The following LRRC53 variants were observed in gnomAD, a reference collection of about 807,000 sequenced individuals.
LRRC53 encodes leucine-rich repeat-containing protein 53.
Under a neutral mutation model 13.6 loss-of-function variants are expected in LRRC53, and 25 were observed. That is an observed-to-expected ratio of 1.83 (90% CI 1.34 to 2.56). LRRC53 has a LOEUF of 2.56. LRRC53 is among the 30% of genes most tolerant of loss of function. The pLI, the probability that LRRC53 is intolerant of heterozygous loss-of-function variation, is 0.00. For missense variants in LRRC53, 527 were observed against 275.8 expected (o/e 1.91, Z -6.45); for synonymous variants, 204 against 109.8 (o/e 1.86, Z -5.37).
intron 1 of LRRC53, among the ~76,000 whole-genome samples, chr1:74,485,975 C>G (rs1182112790): frequency 6.6e-6 from 1 of 152,104 alleles, no homozygotes; most frequent in African/African-American, 2.4e-5. Context: ...AAACTCTGAG[C>G]AAAGGACCCG....
At chr1:74,477,178 A>T (rs1373976030) in intron 3 of LRRC53, among the ~76,000 whole-genome samples, 1 of 152,176 alleles carries the variant, frequency 6.6e-6, no homozygotes, top group African/African-American at 2.4e-5. Context: ...TATATTAAAA[A>T]ATTAAAAATT....
chr1:74,522,486 G>A, the LRRC53 span, among the ~76,000 whole-genome samples: 25 of 152,072 alleles, frequency 1.6e-4, no homozygotes, highest in African/African-American at 5.3e-4. Context: ...CTTGTAGTAC[G>A]AGTTGCATGA....
the LRRC53 span, among the ~76,000 whole-genome samples, chr1:74,521,379 TA>T: frequency 1.3e-4 from 20 of 152,156 alleles, no homozygotes; most frequent in African/African-American, 4.3e-4. Context: ...GTAAGTCACT[TA>T]AAACAATACC....
At chr1:74,521,243 C>T in the LRRC53 span, among the ~76,000 whole-genome samples, 2 of 152,162 alleles carry the variant, frequency 1.3e-5, no homozygotes, top group Non-Finnish European at 2.9e-5. Flanking sequence ...CTGCCATTTT[C>T]TCTGTGCGAT....
rs1288708860 is a variant in LRRC53, at chr1:74,475,734, T to C, written c.981A>G (p.Thr327=). ...KLHQGKANEH[T]SENLCCRTFD... ...AGGTTCTGCAACAAAGGTTTTCTGA[T>C]GTGTGTTCATTTGCTTTGCCTTGGT... The change falls in exon 4 of 5, where the codon ACA becomes ACG. Residue 327 remains threonine, a synonymous_variant. Coordinates refer to ENST00000294635, the MANE Select transcript of LRRC53 (RefSeq NM_001382280.1). 4 of 680,950 alleles carry C rather than the reference T, an allele frequency of 5.9e-6. No homozygotes were observed. The highest frequency in any genetic ancestry group is 1.1e-5 in the Non-Finnish European group (4 of 368,032). The allele number at this position is 680,950 out of a possible 1,614,324, so 42.2% of individuals were successfully genotyped here.
chr1:74,522,184 G>C, the LRRC53 span, among the ~76,000 whole-genome samples: 5 of 152,188 alleles, frequency 3.3e-5, no homozygotes, highest in Non-Finnish European at 5.9e-5. Flanking sequence ...TCAGACCCTT[G>C]ATGAATCAGG....
chr1:74,479,068 G>A (rs1315086248), intron 3 of LRRC53, among the ~76,000 whole-genome samples: 1 of 152,132 alleles, frequency 6.6e-6, no homozygotes, highest in Non-Finnish European at 1.5e-5. Flanking sequence ...TAATTCACTA[G>A]ATAACTGTTA....
At chr1:74,473,293 TC>T (rs2100742378) in intron 4 of LRRC53, among the ~76,000 whole-genome samples, 1 of 152,202 alleles carries the variant, frequency 6.6e-6, no homozygotes, top group African/African-American at 2.4e-5. Context: ...TAGTCACACA[TC>T]AGCTAAGTGT....
upstream of LRRC53, among the ~76,000 whole-genome samples, chr1:74,517,528 A>C (rs1210838403): frequency 1.3e-5 from 2 of 152,212 alleles, no homozygotes; most frequent in Non-Finnish European, 2.9e-5. Context: ...GAGCAGGAGT[A>C]GCCTTTAATA....
At chr1:74,511,660 A>G (rs1252767742) in intron 1 of LRRC53, among the ~76,000 whole-genome samples, 2 of 152,066 alleles carry the variant, frequency 1.3e-5, no homozygotes, top group African/African-American at 4.8e-5. Flanking sequence ...TCCTGGGGGA[A>G]TTCACAGTTT....
chr1:74,496,112 G>A (rs887990952), intron 1 of LRRC53, among the ~76,000 whole-genome samples: 3 of 152,150 alleles, frequency 2.0e-5, no homozygotes, highest in African/African-American at 7.2e-5. Flanking sequence ...TGGCACCCAG[G>A]CATCAGAATG....
chr1:74,494,531 A>C (rs2100315159), intron 1 of LRRC53, among the ~76,000 whole-genome samples: 1 of 152,332 alleles, frequency 6.6e-6, no homozygotes, highest in African/African-American at 2.4e-5. Flanking sequence ...AGATTTGGTC[A>C]CATCATCATC....
intron 1 of LRRC53, among the ~76,000 whole-genome samples, chr1:74,507,231 C>CCG (rs1423637779): frequency 7.1e-6 from 1 of 141,050 alleles, no homozygotes; most frequent in Non-Finnish European, 1.5e-5. Context: ...TCACCCCCCC[C>CCG]CCATCTTTTT....
intron 1 of LRRC53, among the ~76,000 whole-genome samples, chr1:74,494,756 T>C (rs1459322731): frequency 6.6e-6 from 1 of 152,214 alleles, no homozygotes; most frequent in Non-Finnish European, 1.5e-5. Flanking sequence ...TATTTAAATC[T>C]CACATGTAAA....
chr1:74,504,273 CTAAAG>C (rs1669778513), intron 1 of LRRC53, among the ~76,000 whole-genome samples: 1 of 152,164 alleles, frequency 6.6e-6, no homozygotes, highest in Non-Finnish European at 1.5e-5. Context: ...CTGATGTGGA[CTAAAG>C]TAACCATGTT....
chr1:74,482,086 TC>T (rs1668533200), intron 2 of LRRC53, among the ~76,000 whole-genome samples: 1 of 152,218 alleles, frequency 6.6e-6, no homozygotes, highest in East Asian at 1.9e-4. Flanking sequence ...TTCTATTAAT[TC>T]TGGCCAGTTC....
intron 2 of LRRC53, among the ~76,000 whole-genome samples, chr1:74,482,277 A>G (rs1435620319): frequency 6.6e-6 from 1 of 152,184 alleles, no homozygotes; most frequent in Non-Finnish European, 1.5e-5. Context: ...TATTCTCTGT[A>G]TTTATGAAAT....
intron 1 of LRRC53, among the ~76,000 whole-genome samples, chr1:74,491,786 T>C (rs577109190): frequency 9.2e-5 from 14 of 152,348 alleles, no homozygotes; most frequent in African/African-American, 3.4e-4. Flanking sequence ...ATGTGAAGAA[T>C]CTTTTGATCA....
At chr1:74,491,935 G>A (rs541889796) in intron 1 of LRRC53, among the ~76,000 whole-genome samples, 1 of 152,328 alleles carries the variant, frequency 6.6e-6, no homozygotes, top group African/African-American at 2.4e-5. Context: ...GGCAGATGTT[G>A]CCACTAGACT....
Sources: allele counts gnomAD v4.1 joint callset (sites outside exome capture counted in the v4.1 genomes callset), GRCh38; gene constraint gnomAD v4.1.1; transcripts MANE v1.5; gene names NCBI Gene and HGNC (gene_info 2026-07-23, HGNC 2026-07-21).